PEBP4: variants seen among roughly 807,000 people sequenced by gnomAD.
The protein encoded by PEBP4 is phosphatidylethanolamine binding protein 4.
A neutral mutation model predicts 23.9 loss-of-function variants in PEBP4; 22 were observed. The ratio of observed to expected loss-of-function variants is 0.92; its 90% CI spans 0.66 to 1.31. PEBP4 has a LOEUF of 1.31. Among genes scored for constraint, PEBP4 ranks in the 40% most tolerant of loss-of-function variants. The probability of loss-of-function intolerance (pLI) is 0.00; values close to 1 mark genes in which losing one functional copy is unlikely to be tolerated. For missense variants in PEBP4, 324 were observed against 281.7 expected (o/e 1.15, Z -1.07); for synonymous variants, 112 against 99.3 (o/e 1.13, Z -0.76).
intron 3 of PEBP4, among the ~76,000 whole-genome samples, chr8:22,857,639 G>C (rs116808232): frequency 0.024 from 3,621 of 152,258 alleles, 152 homozygotes; most frequent in African/African-American, 0.082. Context: ...CTGAAGTTGG[G>C]GGAGCAAAGA....
Position 22,830,199 on chromosome 8 carries a change from G to A in PEBP4, c.259-12464C>T, listed in dbSNP as rs537469193. On this transcript the variant is annotated intron_variant, in intron 3 of 6. Transcript: ENST00000256404. Reference sequence around the variant, plus strand: ...GGCTGGAGTGTAGTGGTGCGATTTCGGCTAACTGCAGTCTCCACCTCCTGG... The same window carrying A: ...GGCTGGAGTGTAGTGGTGCGATTTCAGCTAACTGCAGTCTCCACCTCCTGG... 4.7e-5 allele frequency among the ~76,000 whole-genome samples: 7 copies of A among 148,624 alleles called. No homozygotes were observed. In the East Asian group the frequency reaches 7.9e-4, roughly 17 times the overall value.
chr8:22,749,334 C>G lies in PEBP4; in HGVS notation c.358-22114G>C, dbSNP rs550094643. 9.2e-5 allele frequency among the ~76,000 whole-genome samples: 14 copies of G among 152,296 alleles called. 1 individual carries two copies. In the South Asian group the frequency reaches 2.7e-3, roughly 29 times the overall value. On this transcript the variant is annotated intron_variant, in intron 4 of 6. Coordinates refer to ENST00000256404, the MANE Select transcript of PEBP4 (RefSeq NM_144962.3). ...CGTGTCTCTGTAGACCTCTCTGCAG[C>G]TCTTCTTGTTTTAGCTCCGTAGGCA...
chr8:22,790,966 G>C (rs552461985), intron 4 of PEBP4, among the ~76,000 whole-genome samples: 67 of 152,322 alleles, frequency 4.4e-4, no homozygotes, highest in Non-Finnish European at 6.6e-4. Context: ...CAGGGCTTAA[G>C]ATGCTGGAAC....
At chr8:22,910,026 A>G (rs2466209) in intron 3 of PEBP4, among the ~76,000 whole-genome samples, 72,071 of 152,054 alleles carry the variant, frequency 0.47, 17,859 homozygotes, top group South Asian at 0.65. Context: ...AATGTCCGCC[A>G]GGTTGTGAGG....
At chr8:22,898,242 A>G (rs1808629197) in intron 3 of PEBP4, among the ~76,000 whole-genome samples, 1 of 151,782 alleles carries the variant, frequency 6.6e-6, no homozygotes, top group Non-Finnish European at 1.5e-5. Flanking sequence ...AAATACAAAA[A>G]TTAGCCAGGT....
At chr8:22,739,393 G>A (rs908412690) in intron 4 of PEBP4, among the ~76,000 whole-genome samples, 13 of 152,116 alleles carry the variant, frequency 8.5e-5, no homozygotes, top group Admixed American at 3.3e-4. Context: ...TCCTCAGCCC[G>A]ACTCTTATCG....
At chr8:22,863,112 T>C (rs1807816466) in intron 3 of PEBP4, among the ~76,000 whole-genome samples, 1 of 152,082 alleles carries the variant, frequency 6.6e-6, no homozygotes, top group African/African-American at 2.4e-5. Flanking sequence ...CAGACTGGGA[T>C]TTAATACTGG....
Position 22,723,024 on chromosome 8 carries a change from G to A in PEBP4, c.517+1819C>T, listed in dbSNP as rs974418361. On this transcript the variant is annotated intron_variant, in intron 6 of 6. Transcript: ENST00000256404. ...TCTCAATCTCCTGACCTCGTGATCC[G>A]CCCACCTCAGTCTCCCAAAGTGCTG... 3.3e-5 allele frequency among the ~76,000 whole-genome samples: 5 copies of A among 150,392 alleles called. No homozygotes were observed. In the South Asian group the frequency reaches 6.3e-4, roughly 19 times the overall value.
At chr8:22,886,368 A>G (rs1808375967) in intron 3 of PEBP4, 1 of 152,198 alleles carries the variant, frequency 6.6e-6, no homozygotes, top group African/African-American at 2.4e-5. Context: ...AATACATCCC[A>G]TCGTCTTGTC....
chr8:22,906,575 G>A (rs955623227), intron 3 of PEBP4, among the ~76,000 whole-genome samples: 1 of 152,084 alleles, frequency 6.6e-6, no homozygotes, highest in East Asian at 1.9e-4. Flanking sequence ...GCCTTGCCTC[G>A]ACTGTCATGT....
At chr8:22,720,652 C>A (rs1197018906) in intron 6 of PEBP4, among the ~76,000 whole-genome samples, 4 of 152,212 alleles carry the variant, frequency 2.6e-5, no homozygotes, top group African/African-American at 7.2e-5. Context: ...GGACAAGCGT[C>A]ACATAGCTGT....
intron 4 of PEBP4, among the ~76,000 whole-genome samples, chr8:22,786,886 T>C (rs949730697): frequency 1.3e-5 from 2 of 151,408 alleles, no homozygotes; most frequent in Non-Finnish European, 2.9e-5. Context: ...AGTGGTATCA[T>C]CACGGCTCAC....
chr8:22,871,834 G>A (rs1229787122), intron 3 of PEBP4, among the ~76,000 whole-genome samples: 2 of 152,054 alleles, frequency 1.3e-5, no homozygotes, highest in Non-Finnish European at 2.9e-5. Context: ...TTACAGGTGT[G>A]AGCCACCGCG....
intron 4 of PEBP4, among the ~76,000 whole-genome samples, chr8:22,765,121 C>T (rs1805583132): frequency 7.2e-6 from 1 of 139,172 alleles, no homozygotes; most frequent in African/African-American, 2.9e-5. Flanking sequence ...TTATTTCTTC[C>T]TTCCTTCCTT....
intron 3 of PEBP4, among the ~76,000 whole-genome samples, chr8:22,826,027 C>T (rs895982742): frequency 1.3e-5 from 2 of 151,900 alleles, no homozygotes; most frequent in South Asian, 2.1e-4. Context: ...CCAGGGTTGG[C>T]GTGGGGTGGT....
chr8:22,771,543 AAATAAT>A (rs1004685831), intron 4 of PEBP4, among the ~76,000 whole-genome samples: 4 of 152,206 alleles, frequency 2.6e-5, no homozygotes, highest in Non-Finnish European at 4.4e-5. Flanking sequence ...ATATGTGATG[AAATAAT>A]AATAATATTG....
intron 3 of PEBP4, 86 bp from the exon 4 acceptor site, chr8:22,817,821 C>A: frequency 7.9e-7 from 1 of 1,272,564 alleles, no homozygotes. Flanking sequence ...CCCGCCATTC[C>A]AACCGAGAAT....
At chr8:22,914,375 T>G (rs967280708) in intron 3 of PEBP4, among the ~76,000 whole-genome samples, 7 of 152,158 alleles carry the variant, frequency 4.6e-5, no homozygotes, top group Non-Finnish European at 8.8e-5. Context: ...GGATTAGAGA[T>G]GTGACCCACT....
chr8:22,937,520 T>G (rs1585164644), intron 1 of PEBP4, among the ~76,000 whole-genome samples: 1 of 151,176 alleles, frequency 6.6e-6, no homozygotes, highest in South Asian at 2.1e-4. Flanking sequence ...CAAAGTGACC[T>G]ACAGATTAAT....
Sources: gnomAD v4.1 joint callset for allele counts (sites outside exome capture counted in the v4.1 genomes callset) on GRCh38, gnomAD v4.1.1 for gene constraint, MANE v1.5 for transcripts, NCBI Gene and HGNC (gene_info 2026-07-23, HGNC 2026-07-21) for gene names.